Variants in SMYD3 observed in about 807,000 individuals in gnomAD.
SMYD3 encodes the protein histone-lysine N-methyltransferase SMYD3.
In SMYD3, 36 loss-of-function variants were observed where a neutral mutation model predicts 57.7. The ratio of observed to expected loss-of-function variants is 0.62; its 90% CI spans 0.48 to 0.82. The LOEUF (loss-of-function observed/expected upper bound fraction) is 0.82, where lower values mean the gene tolerates loss of function less well. Ranked by LOEUF, SMYD3 falls within the 40% of genes least tolerant of loss-of-function variation. The probability of loss-of-function intolerance (pLI) is 0.00; values close to 1 mark genes in which losing one functional copy is unlikely to be tolerated. For synonymous variants in SMYD3, 211 were observed against 195.0 expected, an observed-to-expected ratio of 1.08 and a Z score of -0.68; for missense variants, 515 against 538.8, an observed-to-expected ratio of 0.96 and a Z score of 0.44.
chr1:245,883,429 C>T (rs916847133), intron 8 of SMYD3, among the ~76,000 whole-genome samples: 16 of 152,182 alleles, frequency 1.1e-4, no homozygotes, highest in Admixed American at 9.2e-4. Flanking sequence ...CTATTTTCCA[C>T]TTATTTTGGG....
At chr1:245,953,409 G>A (rs1339555603) in intron 5 of SMYD3, 1 of 923,056 alleles carries the variant, frequency 1.1e-6, no homozygotes, top group Non-Finnish European at 1.3e-6. Flanking sequence ...TGGCTTAAAA[G>A]TAGGGTTCAG....
At chr1:246,271,988 C>T (rs1158995278) in intron 5 of SMYD3, among the ~76,000 whole-genome samples, 1 of 152,034 alleles carries the variant, frequency 6.6e-6, no homozygotes, top group Non-Finnish European at 1.5e-5. Context: ...TGTTTTTCTG[C>T]TTTTCATTGT....
intron 5 of SMYD3, among the ~76,000 whole-genome samples, chr1:246,012,659 C>A (rs116268249): frequency 6.6e-6 from 1 of 152,176 alleles, no homozygotes; most frequent in Non-Finnish European, 1.5e-5. Flanking sequence ...CCCATACCCA[C>A]GCCCCTCCCC....
chr1:246,162,917 C>A (rs2062146529), intron 5 of SMYD3, among the ~76,000 whole-genome samples: 1 of 152,188 alleles, frequency 6.6e-6, no homozygotes, highest in Non-Finnish European at 1.5e-5. Flanking sequence ...AGTACATAAT[C>A]CCTTCAGCAG....
chr1:246,419,475 A>G (rs539555117), intron 1 of SMYD3, among the ~76,000 whole-genome samples: 1 of 152,270 alleles, frequency 6.6e-6, no homozygotes, highest in Non-Finnish European at 1.5e-5. Context: ...TAGGCCCAGG[A>G]TGGGGGCGTG....
At chr1:245,836,776 C>A (rs553614275) in intron 10 of SMYD3, among the ~76,000 whole-genome samples, 4 of 152,174 alleles carry the variant, frequency 2.6e-5, no homozygotes, top group Non-Finnish European at 5.9e-5. Context: ...TTCAATGTCT[C>A]ATTTTGTGTC....
At chr1:245,786,093 TA>T (rs1553321265) in intron 10 of SMYD3, among the ~76,000 whole-genome samples, 36 of 140,228 alleles carry the variant, frequency 2.6e-4, no homozygotes, top group African/African-American at 8.3e-4. Context: ...TTTTTTTTTT[TA>T]AAAAGCAATC....
At chr1:246,282,921 T>G (rs879378736) in intron 5 of SMYD3, among the ~76,000 whole-genome samples, 2 of 152,170 alleles carry the variant, frequency 1.3e-5, no homozygotes, top group African/African-American at 4.8e-5. Context: ...CAAGAATAAA[T>G]AATCCCAGAT....
chr1:245,774,701 C>CTCCACGGTCTCCCTCTCCCTCTCTT (rs1402265752), intron 10 of SMYD3, among the ~76,000 whole-genome samples: 50 of 125,668 alleles, frequency 4.0e-4, no homozygotes, highest in African/African-American at 7.4e-4. Context: ...CCCTCTCCCT[C>CTCCACGGTCTCCCTCTCCCTCTCTT]TCCACGGTCT....
intron 11 of SMYD3, among the ~76,000 whole-genome samples, chr1:245,762,045 A>T (rs761434813): frequency 6.6e-6 from 1 of 152,088 alleles, no homozygotes; most frequent in African/African-American, 2.4e-5. Context: ...TCAGCCTCCC[A>T]AAGTGCTGGG....
In SMYD3 at chr1:245,927,912, G is replaced by A; in HGVS notation, c.702+19C>T. 2 of 1,596,170 alleles carry A rather than the reference G, an allele frequency of 1.3e-6. No individual in the cohort carries two copies. The highest frequency in any genetic ancestry group is 1.7e-6 in the Non-Finnish European group (2 of 1,167,566). The stretch of plus-strand genomic sequence containing the variant: ...TTGATAGGAAAGAAGGCCAGGCTGG[G>A]AAGCATGAGTTTCCTTACCTCCTCT... On this transcript the variant is annotated intron_variant, in intron 7 of 11. Transcript: ENST00000490107.
At chr1:245,857,249 C>T (rs1326904554) in intron 10 of SMYD3, among the ~76,000 whole-genome samples, 1 of 152,214 alleles carries the variant, frequency 6.6e-6, no homozygotes, top group African/African-American at 2.4e-5. Flanking sequence ...CTCTGCCATC[C>T]GCCTGGCTGG....
chr1:246,040,420 A>G (rs770295139), intron 5 of SMYD3, among the ~76,000 whole-genome samples: 3 of 152,248 alleles, frequency 2.0e-5, no homozygotes, highest in Non-Finnish European at 4.4e-5. Context: ...CCTTGGGCTC[A>G]GAATGGTGCT....
chr1:245,978,470 G>GT (rs1307142332), intron 5 of SMYD3, among the ~76,000 whole-genome samples: 3 of 152,130 alleles, frequency 2.0e-5, no homozygotes, highest in Non-Finnish European at 4.4e-5. Flanking sequence ...GAATCCAGAG[G>GT]TAAGTTTCCA....
At chr1:246,250,210 T>G (rs1480255691) in intron 5 of SMYD3, among the ~76,000 whole-genome samples, 1 of 152,252 alleles carries the variant, frequency 6.6e-6, no homozygotes, top group African/African-American at 2.4e-5. Context: ...ATTCTCACCC[T>G]GTGATGACTG....
chr1:245,947,544 C>T, intron 5 of SMYD3: 1 of 375,022 alleles, frequency 2.7e-6, no homozygotes. Context: ...CATTTCTAAA[C>T]CATCGGCTAA....
chr1:246,098,603 T>A lies in SMYD3; in HGVS notation c.532-168666A>T, dbSNP rs550059481. ...TATGAAGATGACAAAATCTTAGAAC[T>A]TTTTTGAGGCTGAGTGACACACTTT... On this transcript the variant is annotated intron_variant, in intron 5 of 11. Transcript: ENST00000490107. Among the ~76,000 whole-genome samples the A allele has an allele frequency of 1.8e-3, 273 of 152,324 alleles. 2 individuals are homozygous for A. Among genetic ancestry groups the A allele is most frequent in the African/African-American group, 6.3e-3 (262 of 41,586 alleles).
intron 5 of SMYD3, among the ~76,000 whole-genome samples, chr1:246,028,859 A>G (rs1284962196): frequency 6.6e-6 from 1 of 152,234 alleles, no homozygotes; most frequent in Non-Finnish European, 1.5e-5. Flanking sequence ...AACCAAAACC[A>G]TATGGTACTG....
At chr1:245,799,353 C>G (rs568591784) in intron 10 of SMYD3, among the ~76,000 whole-genome samples, 8 of 152,350 alleles carry the variant, frequency 5.3e-5, no homozygotes, top group Non-Finnish European at 7.3e-5. Context: ...GATTCCTACA[C>G]TCAGCCCTGC....
Sources: gnomAD v4.1 joint callset for allele counts (sites outside exome capture counted in the v4.1 genomes callset) on GRCh38, gnomAD v4.1.1 for gene constraint, MANE v1.5 for transcripts, NCBI Gene and HGNC (gene_info 2026-07-23, HGNC 2026-07-21) for gene names.